Variants in CPS1 observed in about 807,000 individuals in gnomAD.
The protein encoded by CPS1 is carbamoyl-phosphate synthase 1.
A neutral mutation model predicts 174.6 loss-of-function variants in CPS1; 109 were observed. The ratio of observed to expected loss-of-function variants is 0.62; its 90% CI spans 0.53 to 0.73. The LOEUF is 0.73. Among genes scored for constraint, CPS1 ranks in the 30% least tolerant of loss-of-function variants. CPS1 has a pLI of 0.00. For missense variants in CPS1, 1,689 were observed against 1,821.9 expected, an observed-to-expected ratio of 0.93 and a Z score of 1.33; for synonymous variants, 637 against 632.0, an observed-to-expected ratio of 1.01 and a Z score of -0.12.
intron 21 of CPS1, among the ~76,000 whole-genome samples, chr2:210,623,501 TA>T (rs982505102): frequency 1.3e-5 from 2 of 151,860 alleles, no homozygotes; most frequent in Non-Finnish European, 2.9e-5. Context: ...AATATAGTTT[TA>T]AAAAAAAGAG....
intron 1 of CPS1, among the ~76,000 whole-genome samples, chr2:210,571,855 TTGTGTGTGTGTGTG>T (rs71043997): frequency 0.014 from 2,006 of 139,700 alleles, 42 homozygotes; most frequent in African/African-American, 0.047. Flanking sequence ...CTACTAAAGT[TTGTGTGTGTGTGTG>T]TGTGTGTGTG....
chr2:210,593,609 T>C (rs1295524435), intron 11 of CPS1: 1 of 985,340 alleles, frequency 1.0e-6, no homozygotes, highest in Admixed American at 6.2e-5. Flanking sequence ...CTATTGTGAC[T>C]TCCCCACACC....
intron 5 of CPS1, 46 bp downstream of exon 5, chr2:210,579,816 G>T: frequency 7.1e-7 from 1 of 1,415,672 alleles, no homozygotes; most frequent in East Asian, 2.3e-5. Context: ...TCGGGTGTGT[G>T]TGTGTGTGTG....
intron 14 of CPS1, 130 bp from the exon 15 acceptor site, chr2:210,600,425 T>G (rs919248186): frequency 3.7e-6 from 3 of 820,448 alleles, no homozygotes; most frequent in Non-Finnish European, 5.8e-6. Context: ...TTTCCCTAAG[T>G]GCAATTCTAT....
chr2:210,611,088 C>G (rs1002142371), intron 19 of CPS1, among the ~76,000 whole-genome samples: 2 of 151,850 alleles, frequency 1.3e-5, no homozygotes, highest in Non-Finnish European at 2.9e-5. Flanking sequence ...CTTCAAGATA[C>G]CACTATGACT....
intron 1 of CPS1, among the ~76,000 whole-genome samples, chr2:210,481,698 C>A (rs559460088): frequency 1.5e-4 from 23 of 152,346 alleles, no homozygotes; most frequent in Admixed American, 3.9e-4. Flanking sequence ...TTCCTACTTG[C>A]CTAGTAGCCA....
At chr2:210,526,252 G>C (rs962818841) in intron 1 of CPS1, among the ~76,000 whole-genome samples, 2 of 151,838 alleles carry the variant, frequency 1.3e-5, no homozygotes, top group Non-Finnish European at 2.9e-5. Flanking sequence ...GGGTAGGGGA[G>C]GGATAGCATT....
chr2:210,593,497 A>C, intron 11 of CPS1: 1 of 987,480 alleles, frequency 1.0e-6, no homozygotes, highest in Non-Finnish European at 1.2e-6. Flanking sequence ...TTTTGTATTT[A>C]ATCTAAATAT....
intron 21 of CPS1, 60 bp downstream of exon 21, chr2:210,616,601 T>C: frequency 1.0e-6 from 1 of 979,568 alleles, no homozygotes; most frequent in Non-Finnish European, 1.7e-6. Context: ...TAAAGAGTCT[T>C]CTTCCTACTC....
At chr2:210,593,338 A>C (rs780438473) in intron 11 of CPS1, 9 of 1,131,734 alleles carry the variant, frequency 8.0e-6, no homozygotes, top group African/African-American at 1.6e-5. Flanking sequence ...AAAAATCCCT[A>C]TGGCAACTGG....
rs565921156 is a variant in CPS1, at chr2:210,659,885, T to A, written c.3757-600T>A. 3.3e-5 allele frequency among the ~76,000 whole-genome samples: 5 copies of A among 152,298 alleles called. No individual in the cohort carries two copies. In the East Asian group the frequency reaches 5.8e-4, roughly 18 times the overall value. ...TGGTTAGGGGTAGATCATAAAAGAC[T>A]TCAAGGTAGATTTTGTATTGTGAAC... On this transcript the variant is annotated intron_variant, in intron 31 of 37. Transcript: ENST00000233072.
chr2:210,658,717 C>T (rs769723337), intron 31 of CPS1, 29 bp downstream of exon 31: 2 of 1,489,236 alleles, frequency 1.3e-6, no homozygotes, highest in Admixed American at 1.7e-5. Flanking sequence ...CCTGAGAGGA[C>T]ACCACCACTG....
chr2:210,677,435 T>C (rs945481635), intron 37 of CPS1, among the ~76,000 whole-genome samples: 2 of 152,200 alleles, frequency 1.3e-5, no homozygotes, highest in African/African-American at 2.4e-5. Flanking sequence ...AAACTTTTAT[T>C]TCATTGTTTC....
At chr2:210,526,706 A>T (rs963993143) in intron 1 of CPS1, among the ~76,000 whole-genome samples, 1 of 151,938 alleles carries the variant, frequency 6.6e-6, no homozygotes, top group Non-Finnish European at 1.5e-5. Flanking sequence ...TGCTTGGTGG[A>T]TACATTTGGG....
chr2:210,624,102 A>G (rs1270885948), intron 21 of CPS1, among the ~76,000 whole-genome samples: 5 of 152,128 alleles, frequency 3.3e-5, no homozygotes, highest in Admixed American at 1.3e-4. Context: ...TTGTGATAGC[A>G]TCTATTATTT....
chr2:210,665,001 C>T (rs141690236), intron 33 of CPS1, among the ~76,000 whole-genome samples: 7 of 152,228 alleles, frequency 4.6e-5, no homozygotes, highest in Admixed American at 2.6e-4. Context: ...GATATTAGTC[C>T]TAATCTTTAA....
At chr2:210,516,656 A>G (rs1001650294) in intron 1 of CPS1, among the ~76,000 whole-genome samples, 3 of 151,804 alleles carry the variant, frequency 2.0e-5, no homozygotes, top group South Asian at 4.2e-4. Context: ...GATGATTTGA[A>G]CTCTGGTTAT....
At position 210,586,513 on chromosome 2, in the gene CPS1, G is replaced by A. The variant is rs578150439; in HGVS notation, c.622-1545G>A. 7.1e-4 allele frequency among the ~76,000 whole-genome samples: 108 copies of A among 152,088 alleles called. 1 individual carries two copies. Among genetic ancestry groups the A allele is most frequent in the Admixed American group, 1.6e-3 (24 of 15,240 alleles). ...GCATTTCCTAAACTGGAAAACAGTGGTGTGGAGCAATTCATCTTAAAAAAT... is the reference window on the plus strand; with the variant it reads ...GCATTTCCTAAACTGGAAAACAGTGATGTGGAGCAATTCATCTTAAAAAAT... On this transcript the variant is annotated intron_variant, in intron 6 of 37. Coordinates refer to ENST00000233072, the MANE Select transcript of CPS1 (RefSeq NM_001875.5).
chr2:210,665,538 A>C (rs1404594697), intron 33 of CPS1, among the ~76,000 whole-genome samples: 1 of 137,004 alleles, frequency 7.3e-6, no homozygotes, highest in Admixed American at 8.6e-5. Flanking sequence ...ATGTGTTCCC[A>C]TTGTTCAATT....
Sources: gnomAD v4.1 joint callset for allele counts (sites outside exome capture counted in the v4.1 genomes callset) on GRCh38, gnomAD v4.1.1 for gene constraint, MANE v1.5 for transcripts, NCBI Gene and HGNC (gene_info 2026-07-23, HGNC 2026-07-21) for gene names.